Variants in SGK1 observed in about 807,000 individuals in gnomAD.
The protein encoded by SGK1 is serum/glucocorticoid regulated kinase 1.
Under a neutral mutation model 64.2 loss-of-function variants are expected in SGK1, and 26 were observed. The ratio of observed to expected loss-of-function variants is 0.40; its 90% CI spans 0.30 to 0.56. The LOEUF is 0.56. Ranked by LOEUF, SGK1 falls within the 20% of genes least tolerant of loss-of-function variation. The pLI is 0.38. For missense variants in SGK1, 519 were observed against 645.6 expected (o/e 0.80, Z 2.12); for synonymous variants, 265 against 239.7 (o/e 1.11, Z -0.98).
intron 2 of SGK1, among the ~76,000 whole-genome samples, chr6:134,222,016 T>C (rs1776097871): frequency 6.6e-6 from 1 of 152,210 alleles, no homozygotes; most frequent in Non-Finnish European, 1.5e-5. Flanking sequence ...TAAATCCCAC[T>C]GTACTTGAGC....
intron 1 of SGK1, among the ~76,000 whole-genome samples, chr6:134,288,792 C>A (rs527932822): frequency 1.3e-5 from 2 of 152,224 alleles, no homozygotes; most frequent in South Asian, 2.1e-4. Context: ...TAGTAATTTT[C>A]CCTGGTCTTG....
In SGK1 at chr6:134,265,397, T is replaced by C. The variant is rs552568927; in HGVS notation, c.70-3249A>G. Among the ~76,000 whole-genome samples the C allele has an allele frequency of 5.0e-4, 75 of 151,504 alleles. 1 individual carries two copies. Among genetic ancestry groups the C allele is most frequent in the African/African-American group, 1.7e-3 (72 of 41,314 alleles). On this transcript the variant is annotated intron_variant, in intron 1 of 13. Transcript: ENST00000367858. Reference sequence around the variant, plus strand: ...ATCGCTTGACCCCTGGAGGTGGAGGTTGTGGTGAACCAAGATCATGCCATT... The same window carrying C: ...ATCGCTTGACCCCTGGAGGTGGAGGCTGTGGTGAACCAAGATCATGCCATT...
intron 3 of SGK1, among the ~76,000 whole-genome samples, chr6:134,204,013 G>A (rs1031167007): frequency 2.6e-4 from 39 of 150,976 alleles, no homozygotes; most frequent in Middle Eastern, 3.4e-3. Flanking sequence ...GCAGTGAGCC[G>A]AGCCGAGATC....
chr6:134,237,576 C>A (rs1776384487), intron 2 of SGK1, among the ~76,000 whole-genome samples: 1 of 152,006 alleles, frequency 6.6e-6, no homozygotes, highest in Admixed American at 6.6e-5. Flanking sequence ...ACTCAGGAGG[C>A]AGAGGGAGGA....
At chr6:134,181,588 A>G (rs1582693865) in intron 3 of SGK1, among the ~76,000 whole-genome samples, 1 of 151,810 alleles carries the variant, frequency 6.6e-6, no homozygotes. Context: ...CAAGTGATCC[A>G]CCTGCCTCAG....
At chr6:134,254,605 C>T (rs1776653284) in intron 2 of SGK1, among the ~76,000 whole-genome samples, 1 of 152,148 alleles carries the variant, frequency 6.6e-6, no homozygotes, top group African/African-American at 2.4e-5. Context: ...CTCCTTGACT[C>T]ATCTCCTCCA....
At chr6:134,275,365 C>T (rs898931729) in intron 1 of SGK1, among the ~76,000 whole-genome samples, 10 of 152,124 alleles carry the variant, frequency 6.6e-5, no homozygotes, top group Admixed American at 5.2e-4. Context: ...TAATCTTAAC[C>T]TCACTGATAC....
chr6:134,175,448 C>A, intron 3 of SGK1: 1 of 1,314,092 alleles, frequency 7.6e-7, no homozygotes, highest in Non-Finnish European at 9.7e-7. Context: ...CCGCCGGGAC[C>A]CCGGCCCCGA....
intron 2 of SGK1, 32 bp downstream of exon 2, chr6:134,261,901 G>A: frequency 6.6e-7 from 1 of 1,517,168 alleles, no homozygotes. Flanking sequence ...AATTTTTCCA[G>A]GAGAATAGAT....
chr6:134,185,626 T>A (rs1185782424), intron 3 of SGK1, among the ~76,000 whole-genome samples: 3 of 150,912 alleles, frequency 2.0e-5, no homozygotes, highest in Admixed American at 6.6e-5. Context: ...ATAGGATATA[T>A]CTAGAGGGAG....
chr6:134,174,502 C>T lies in SGK1; in HGVS notation c.437+9G>A, dbSNP rs755849271. On this transcript the variant is annotated intron_variant, in intron 4 of 13. Coordinates refer to ENST00000367858, the MANE Select transcript of SGK1 (RefSeq NM_001143676.3). ...TACTAGTTATTTCCTCAAATCCGGT[C>T]AAACTTACTGTTTGCATGCATAGGA... 6.8e-6 allele frequency: 11 copies of T among 1,606,524 alleles called. No individual in the cohort carries two copies. In the South Asian group the frequency reaches 1.1e-4, roughly 16 times the overall value.
At chr6:134,186,824 G>T (rs567418927) in intron 3 of SGK1, among the ~76,000 whole-genome samples, 111 of 147,718 alleles carry the variant, frequency 7.5e-4, no homozygotes, top group South Asian at 3.0e-3. Flanking sequence ...TTTTTTTTTG[G>T]TTTTTTTTTT....
intron 3 of SGK1, among the ~76,000 whole-genome samples, chr6:134,189,740 A>G (rs1775478616): frequency 6.6e-6 from 1 of 152,260 alleles, no homozygotes; most frequent in South Asian, 2.1e-4. Flanking sequence ...ATATACTGAC[A>G]TAAATCCAGT....
intron 2 of SGK1, among the ~76,000 whole-genome samples, chr6:134,224,956 G>T (rs1776146270): frequency 6.9e-6 from 1 of 144,808 alleles, no homozygotes; most frequent in Admixed American, 7.4e-5. Context: ...GGAGGTGGAG[G>T]TTGCAGTGAG....
intron 2 of SGK1, among the ~76,000 whole-genome samples, chr6:134,220,761 G>A (rs903345885): frequency 2.0e-5 from 3 of 152,062 alleles, no homozygotes; most frequent in South Asian, 2.1e-4. Flanking sequence ...TACTCCTCTC[G>A]GGAGAGATAT....
At chr6:134,192,045 G>T (rs1775520792) in intron 3 of SGK1, among the ~76,000 whole-genome samples, 2 of 151,718 alleles carry the variant, frequency 1.3e-5, no homozygotes, top group Admixed American at 1.3e-4. Flanking sequence ...TGGCCAGAAT[G>T]GTCTCAATCT....
intron 1 of SGK1, among the ~76,000 whole-genome samples, chr6:134,307,757 C>T (rs929012620): frequency 1.3e-5 from 2 of 152,096 alleles, no homozygotes; most frequent in Admixed American, 6.5e-5. Flanking sequence ...ATGTGGAACC[C>T]GTGAATACCT....
chr6:134,225,494 A>G (rs1265079783), intron 2 of SGK1, among the ~76,000 whole-genome samples: 1 of 152,204 alleles, frequency 6.6e-6, no homozygotes, highest in Non-Finnish European at 1.5e-5. Context: ...AAAAAGAGGA[A>G]GTAAATGCCA....
intron 1 of SGK1, chr6:134,298,754 G>A (rs1293507377): frequency 2.1e-6 from 1 of 480,472 alleles, no homozygotes; most frequent in East Asian, 3.3e-5. Context: ...CAGAAGGAGT[G>A]AAGAAGCTGC....
Sources: gnomAD v4.1 joint callset for allele counts (sites outside exome capture counted in the v4.1 genomes callset) on GRCh38, gnomAD v4.1.1 for gene constraint, MANE v1.5 for transcripts, NCBI Gene and HGNC (gene_info 2026-07-23, HGNC 2026-07-21) for gene names.